Variants in C13orf46 observed in about 807,000 individuals in gnomAD.
C13orf46 encodes the protein uncharacterized protein C13orf46.
chr13:113,971,566 C>T (rs2052705721), intron 1 of C13orf46, among the ~76,000 whole-genome samples: 1 of 152,216 alleles, frequency 6.6e-6, no homozygotes, highest in Non-Finnish European at 1.5e-5. Context: ...CTGGGCTGCC[C>T]TCCGTGAGCG....
intron 6 of C13orf46, among the ~76,000 whole-genome samples, chr13:113,964,144 T>C (rs1207588768): frequency 6.6e-6 from 1 of 152,228 alleles, no homozygotes; most frequent in Non-Finnish European, 1.5e-5. Context: ...GAAGGTTTAG[T>C]ATCATGTGAC....
At chr13:113,932,065 T>C in the C13orf46 span, among the ~76,000 whole-genome samples, 1 of 152,200 alleles carries the variant, frequency 6.6e-6, no homozygotes, top group African/African-American at 2.4e-5. Flanking sequence ...TGTCTCACAG[T>C]GTAATTATTT....
At chr13:113,959,425 T>C (rs1299393043) in intron 6 of C13orf46, among the ~76,000 whole-genome samples, 1 of 152,202 alleles carries the variant, frequency 6.6e-6, no homozygotes, top group Non-Finnish European at 1.5e-5. Flanking sequence ...TGAAGCTGTC[T>C]GGCCAGGTTG....
chr13:113,930,887 A>G, the C13orf46 span, among the ~76,000 whole-genome samples: 1 of 152,244 alleles, frequency 6.6e-6, no homozygotes, highest in Non-Finnish European at 1.5e-5. Flanking sequence ...GGCCGAAGAC[A>G]GGAAGGTCTC....
At chr13:113,932,131 T>C in the C13orf46 span, among the ~76,000 whole-genome samples, 1 of 152,188 alleles carries the variant, frequency 6.6e-6, no homozygotes, top group Admixed American at 6.5e-5. Flanking sequence ...GTTGCATGGG[T>C]GTATCATAAT....
At chr13:113,942,348 C>T in the C13orf46 span, among the ~76,000 whole-genome samples, 2 of 152,214 alleles carry the variant, frequency 1.3e-5, no homozygotes, top group Admixed American at 6.5e-5. Flanking sequence ...TCAAAGTCCA[C>T]GGAACTGATT....
At chr13:113,969,417 T>C (rs1442898723) in intron 2 of C13orf46, among the ~76,000 whole-genome samples, 1 of 152,214 alleles carries the variant, frequency 6.6e-6, no homozygotes, top group African/African-American at 2.4e-5. Flanking sequence ...TTCCCTGAGC[T>C]CTACGGAGTG....
At chr13:113,962,337 C>T (rs1041788293) in intron 6 of C13orf46, among the ~76,000 whole-genome samples, 35 of 152,230 alleles carry the variant, frequency 2.3e-4, no homozygotes, top group South Asian at 2.3e-3. Context: ...ACCTGGGGGG[C>T]GGAGCTTGCA....
At chr13:113,957,308 A>C (rs1253644455) in intron 6 of C13orf46, among the ~76,000 whole-genome samples, 5 of 82,464 alleles carry the variant, frequency 6.1e-5, no homozygotes, top group Non-Finnish European at 1.2e-4. Context: ...TGCACTCTGC[A>C]CCCCCTTTCA....
At chr13:113,932,100 T>A in the C13orf46 span, among the ~76,000 whole-genome samples, 4 of 152,236 alleles carry the variant, frequency 2.6e-5, no homozygotes, top group African/African-American at 9.6e-5. Context: ...CAATTCATCC[T>A]TTCAATGCTG....
At chr13:113,962,237 A>G (rs1324674290) in intron 6 of C13orf46, among the ~76,000 whole-genome samples, 3 of 152,152 alleles carry the variant, frequency 2.0e-5, no homozygotes. Context: ...CCCTGGCTCT[A>G]CTAAAAATAC....
the C13orf46 span, among the ~76,000 whole-genome samples, chr13:113,947,739 C>T: frequency 6.6e-6 from 1 of 152,196 alleles, no homozygotes; most frequent in African/African-American, 2.4e-5. Context: ...CCCGGACACA[C>T]AGCCAAGCAG....
downstream of C13orf46, among the ~76,000 whole-genome samples, chr13:113,952,845 G>T (rs972985678): frequency 1.3e-5 from 2 of 152,254 alleles, no homozygotes; most frequent in Non-Finnish European, 2.9e-5. Context: ...TCAGCCCAAC[G>T]GGCCGGGCAG....
At chr13:113,947,413 G>A in the C13orf46 span, among the ~76,000 whole-genome samples, 1 of 152,168 alleles carries the variant, frequency 6.6e-6, no homozygotes, top group East Asian at 1.9e-4. Flanking sequence ...CACTGCTGCC[G>A]TCTGCTGTCG....
chr13:113,951,181 G>A (rs1478626956), downstream of C13orf46, among the ~76,000 whole-genome samples: 5 of 152,178 alleles, frequency 3.3e-5, no homozygotes, highest in African/African-American at 7.2e-5. Flanking sequence ...CCCCTCCAGC[G>A]AATGCTCAGC....
At chr13:113,932,425 GT>G in the C13orf46 span, among the ~76,000 whole-genome samples, 1 of 152,186 alleles carries the variant, frequency 6.6e-6, no homozygotes, top group African/African-American at 2.4e-5. Flanking sequence ...ATGCTGGTGG[GT>G]TTGTAGGCAC....
the C13orf46 span, among the ~76,000 whole-genome samples, chr13:113,936,215 T>C: frequency 6.6e-6 from 1 of 152,196 alleles, no homozygotes; most frequent in South Asian, 2.1e-4. Flanking sequence ...GGCTTCTTCC[T>C]ACTCAAGGCC....
rs2052612415 is a variant in C13orf46, at chr13:113,963,832, G to A, written c.572+1095C>T. On this transcript the variant is annotated intron_variant, in intron 6 of 6. Coordinates refer to ENST00000636427, the MANE Select transcript of C13orf46 (RefSeq NM_001365455.2). Reference sequence around the variant, plus strand: ...ATAATTCCCGTTATTGTAAATGACTGGTTAAAATGTTAATGTAACTGTTGT... The same window carrying A: ...ATAATTCCCGTTATTGTAAATGACTAGTTAAAATGTTAATGTAACTGTTGT... 2.6e-5 allele frequency among the ~76,000 whole-genome samples: 4 copies of A among 152,314 alleles called. No homozygotes were observed. The South Asian group carries it at 8.3e-4, about 32-fold the overall frequency.
intron 6 of C13orf46, among the ~76,000 whole-genome samples, chr13:113,963,526 T>C (rs2052608304): frequency 9.1e-6 from 1 of 110,296 alleles, no homozygotes; most frequent in Non-Finnish European, 2.0e-5. Context: ...GCCCCTGTCC[T>C]CAGCCTCACC....
Sources: allele counts gnomAD v4.1 joint callset (sites outside exome capture counted in the v4.1 genomes callset), GRCh38; gene constraint gnomAD v4.1.1; transcripts MANE v1.5; gene names NCBI Gene and HGNC (gene_info 2026-07-23, HGNC 2026-07-21).